The following ENTREP3 variants were observed in gnomAD, a reference collection of about 807,000 sequenced individuals.
ENTREP3 encodes protein ENTREP3.
the ENTREP3 span, chr1:155,247,613 GCAGAGGCAAGCAGCAAGAGACCC>G: frequency 1.3e-6 from 1 of 742,762 alleles, no homozygotes; most frequent in Non-Finnish European, 2.4e-6. Context: ...GTCCAGAGCA[GCAGAGGCAAGCAGCAAGAGACCC>G]CAGAGGTAGG....
the ENTREP3 span, chr1:155,254,804 CG>C: frequency 5.4e-4 from 869 of 1,611,472 alleles, 2 homozygotes; most frequent in Non-Finnish European, 4.8e-4. The surrounding 1 kb of genome is among the most constrained non-coding windows in gnomAD (Gnocchi z 4.4). Context: ...TCGGTGGAGG[CG>C]GAGGTGGGTA....
At chr1:155,247,286 A>G in the ENTREP3 span, 1 of 408,606 alleles carries the variant, frequency 2.4e-6, no homozygotes, top group South Asian at 1.7e-5. Context: ...CTACCTTCAC[A>G]GTCTTTAATG....
chr1:155,247,411 A>G, the ENTREP3 span: 1 of 526,454 alleles, frequency 1.9e-6, no homozygotes, highest in Non-Finnish European at 3.7e-6. Flanking sequence ...ACCCCATTGC[A>G]TAGGCACACG....
chr1:155,248,486 G>C, the ENTREP3 span: 1 of 1,612,182 alleles, frequency 6.2e-7, no homozygotes, highest in Non-Finnish European at 8.5e-7. Context: ...GGGGAGAAGA[G>C]AGAAAGGGAG....
the ENTREP3 span, chr1:155,251,308 G>T: frequency 1.3e-6 from 1 of 774,218 alleles, no homozygotes; most frequent in Non-Finnish European, 2.1e-6. Context: ...TTCCACGTCT[G>T]TATGGCAGAA....
chr1:155,247,720 C>T, the ENTREP3 span: 7 of 1,414,176 alleles, frequency 4.9e-6, no homozygotes, highest in Non-Finnish European at 5.7e-6. Context: ...ATGCTGGGGG[C>T]TGCTGGTCCC....
chr1:155,252,084 C>T, the ENTREP3 span: 1 of 484,946 alleles, frequency 2.1e-6, no homozygotes. Context: ...TCACCCTGTA[C>T]CTCTAGCTCT....
chr1:155,253,967 G>C, the ENTREP3 span: 1 of 1,613,008 alleles, frequency 6.2e-7, no homozygotes, highest in Non-Finnish European at 8.5e-7. Flanking sequence ...AGCACACACA[G>C]ACCTTTCCTT....
chr1:155,253,550 C>T, the ENTREP3 span: 4 of 985,644 alleles, frequency 4.1e-6, no homozygotes, highest in East Asian at 2.4e-5. Context: ...AGCCATTGTT[C>T]CCTCAGGCAA....
chr1:155,251,389 G>T, the ENTREP3 span: 1 of 788,390 alleles, frequency 1.3e-6, no homozygotes, highest in Non-Finnish European at 2.1e-6. Flanking sequence ...GCATGCTGGT[G>T]CTGTAAAGAC....
the ENTREP3 span, chr1:155,252,712 ATATATATATATTTT>A: frequency 2.0e-5 from 1 of 50,126 alleles, no homozygotes; most frequent in Non-Finnish European, 3.5e-5. Flanking sequence ...ATATATATAT[ATATATATATATTTT>A]TTTTTTTTTT....
At chr1:155,249,687 G>T in the ENTREP3 span, among the ~76,000 whole-genome samples, 4 of 151,976 alleles carry the variant, frequency 2.6e-5, no homozygotes, top group Non-Finnish European at 1.5e-5. Flanking sequence ...AGACCATCCT[G>T]GATAACACGG....
the ENTREP3 span, chr1:155,252,064 AACC>A: frequency 1.9e-6 from 1 of 539,534 alleles, no homozygotes. Flanking sequence ...AGCTCTCCTT[AACC>A]CCACGCTCAC....
the ENTREP3 span, chr1:155,248,019 A>T: frequency 6.2e-7 from 1 of 1,613,920 alleles, no homozygotes; most frequent in South Asian, 1.1e-5. Flanking sequence ...ACGCTTTCCC[A>T]AACATCTTTC....
At chr1:155,254,404 A>G in the ENTREP3 span, 1 of 1,614,102 alleles carries the variant, frequency 6.2e-7, no homozygotes, top group Non-Finnish European at 8.5e-7. The surrounding 1 kb of genome is among the most constrained non-coding windows in gnomAD (Gnocchi z 4.4). Context: ...ACCTACCACT[A>G]GAGTGAATGG....
At chr1:155,252,720 A>C in the ENTREP3 span, 1 of 29,504 alleles carries the variant, frequency 3.4e-5, no homozygotes, top group Non-Finnish European at 5.5e-5. Flanking sequence ...ATATATATAT[A>C]TATTTTTTTT....
the ENTREP3 span, chr1:155,254,947 AG>A: frequency 1.6e-6 from 2 of 1,270,368 alleles, no homozygotes; most frequent in African/African-American, 3.0e-5. The surrounding 1 kb of genome is among the most constrained non-coding windows in gnomAD (Gnocchi z 4.4). Context: ...GAGGCGCCCA[AG>A]GCCCCGTCCT....
chr1:155,253,846 G>A, the ENTREP3 span: 1 of 1,612,494 alleles, frequency 6.2e-7, no homozygotes, highest in Non-Finnish European at 8.5e-7. Context: ...ATGTTTGCAG[G>A]GTGCAAGCTC....
At chr1:155,248,793 C>T in the ENTREP3 span, among the ~76,000 whole-genome samples, 7 of 151,902 alleles carry the variant, frequency 4.6e-5, no homozygotes, top group African/African-American at 1.7e-4. Context: ...CAGCTCACTG[C>T]AACCTCCGCC....
Sources: gnomAD v4.1 joint callset for allele counts (sites outside exome capture counted in the v4.1 genomes callset) on GRCh38, gnomAD v4.1.1 for gene constraint, Gnocchi (gnomAD v3.1) non-coding constraint, MANE v1.5 for transcripts, NCBI Gene and HGNC (gene_info 2026-07-23, HGNC 2026-07-21) for gene names.